The following PKD2 variants were observed in gnomAD, a reference collection of about 807,000 sequenced individuals.
PKD2 encodes the protein polycystin-2.
Under a neutral mutation model 105.9 loss-of-function variants are expected in PKD2, and 48 were observed. That is an observed-to-expected ratio of 0.45 (90% CI 0.36 to 0.58). The LOEUF is 0.58. PKD2 is among the 20% of genes least tolerant of loss of function. The pLI is 0.00. For missense variants in PKD2, 1,078 were observed against 1,255.3 expected, an observed-to-expected ratio of 0.86 and a Z score of 2.13; for synonymous variants, 464 against 481.1, an observed-to-expected ratio of 0.96 and a Z score of 0.46.
rs1388722678 is a variant in PKD2, at chr4:88,038,393, G to A, written c.986G>A (p.Gly329Glu). ...PRIRQLRVRN[G>E]SCSIPQDLRD... Reference sequence around the variant, plus strand: ...ATACGGCAACTCCGAGTCAGAAATGGATCCTGCTCTATCCCCCAGGACTTG... The same window carrying A: ...ATACGGCAACTCCGAGTCAGAAATGAATCCTGCTCTATCCCCCAGGACTTG... The change falls in exon 4 of 15, where the codon GGA becomes GAA. Residue 329 changes from glycine (G) to glutamate (E), a missense_variant. Around this residue, in one of 2 missense-constraint regions of PKD2, gnomAD observed 868 missense variants for 1,067.3 expected, o/e 0.81. Transcript: ENST00000237596. The A allele has an allele frequency of 1.2e-6, 2 of 1,613,684 alleles. No homozygotes were observed. The highest frequency in any genetic ancestry group is 1.7e-6 in the Non-Finnish European group (2 of 1,179,730).
chr4:88,036,689 G>A (rs867656843), intron 3 of PKD2, among the ~76,000 whole-genome samples: 4 of 152,210 alleles, frequency 2.6e-5, no homozygotes, highest in Non-Finnish European at 4.4e-5. Context: ...ATGGTCACAT[G>A]GCTAGGGAAC....
At chr4:88,038,618 C>A in intron 4 of PKD2, 117 bp downstream of exon 4, 2 of 1,021,672 alleles carry the variant, frequency 2.0e-6, no homozygotes, top group Non-Finnish European at 3.1e-6. Context: ...AGTTCAGTGA[C>A]TCTTCAGTGC....
At chr4:88,069,318 TCTG>T (rs1258602491) in intron 13 of PKD2, among the ~76,000 whole-genome samples, 2 of 152,138 alleles carry the variant, frequency 1.3e-5, no homozygotes, top group East Asian at 1.9e-4. Context: ...TTGATTTCTG[TCTG>T]CTATTTTATT....
intron 14 of PKD2, 29 bp downstream of exon 14, chr4:88,074,988 T>C (rs201104872): frequency 1.1e-4 from 180 of 1,607,484 alleles, no homozygotes; most frequent in Middle Eastern, 1.7e-4. Flanking sequence ...AAAACACCGC[T>C]GCTGAGCATG....
chr4:88,058,532 TTC>T (rs769915252), intron 9 of PKD2, among the ~76,000 whole-genome samples: 111 of 152,176 alleles, frequency 7.3e-4, no homozygotes, highest in Non-Finnish European at 1.3e-3. Flanking sequence ...AGCATGACTT[TTC>T]TCTCTTTCTT....
At chr4:88,064,611 G>A (rs184137661) in intron 10 of PKD2, among the ~76,000 whole-genome samples, 9 of 152,154 alleles carry the variant, frequency 5.9e-5, no homozygotes, top group Admixed American at 1.3e-4. Context: ...AAAAATCCTC[G>A]GCCAGGGGCA....
chr4:88,067,827 C>A, intron 12 of PKD2, 71 bp from the exon 13 acceptor site: 2 of 1,386,250 alleles, frequency 1.4e-6, no homozygotes, highest in South Asian at 2.4e-5. Flanking sequence ...TCCTGCTTGC[C>A]CAAGTCCTTG....
intron 1 of PKD2, among the ~76,000 whole-genome samples, chr4:88,016,119 C>G (rs145331243): frequency 6.6e-6 from 1 of 152,152 alleles, no homozygotes; most frequent in Admixed American, 6.5e-5. Context: ...TGACAGGAGG[C>G]GGAGCTCGGG....
chr4:88,060,177 C>T (rs1162349250), intron 9 of PKD2, among the ~76,000 whole-genome samples: 2 of 152,062 alleles, frequency 1.3e-5, no homozygotes, highest in Non-Finnish European at 2.9e-5. Context: ...TAGTTAACAG[C>T]CACTTGGAAG....
At chr4:88,070,218 C>T (rs1183095630) in intron 13 of PKD2, among the ~76,000 whole-genome samples, 3 of 151,944 alleles carry the variant, frequency 2.0e-5, no homozygotes, top group Non-Finnish European at 4.4e-5. Flanking sequence ...TACTGTGGTC[C>T]CCTTGTACAT....
chr4:88,074,984 C>A lies in PKD2; in HGVS notation c.2670+25C>A, dbSNP rs368880207. Reference sequence around the variant, plus strand: ...GGTCAGTAGTCATGAGCTGAAAACACCGCTGCTGAGCATGGTGTTATTAAT... The same window carrying A: ...GGTCAGTAGTCATGAGCTGAAAACAACGCTGCTGAGCATGGTGTTATTAAT... On this transcript the variant is annotated intron_variant, in intron 14 of 14. Coordinates refer to ENST00000237596, the MANE Select transcript of PKD2 (RefSeq NM_000297.4). 2.5e-6 allele frequency: 4 copies of A among 1,612,030 alleles called. No homozygotes were observed. In the African/African-American group the frequency reaches 5.3e-5, roughly 22 times the overall value.
chr4:88,051,316 T>C (rs967026898), intron 6 of PKD2, among the ~76,000 whole-genome samples: 5 of 152,240 alleles, frequency 3.3e-5, no homozygotes. Flanking sequence ...GGCACTCATT[T>C]TTAGGATATC....
At chr4:88,012,169 C>T (rs1293906445) in intron 1 of PKD2, among the ~76,000 whole-genome samples, 1 of 152,198 alleles carries the variant, frequency 6.6e-6, no homozygotes, top group Non-Finnish European at 1.5e-5. Flanking sequence ...GTGTGCCAGG[C>T]ACTGTGTTAA....
intron 3 of PKD2, 114 bp from the exon 4 acceptor site, chr4:88,038,137 T>C (rs1037399680): frequency 1.3e-5 from 14 of 1,087,588 alleles, no homozygotes; most frequent in African/African-American, 6.3e-5. Context: ...CTCATTCTTA[T>C]CACTCTACTA....
At chr4:88,055,136 T>G (rs1465897726) in intron 7 of PKD2, among the ~76,000 whole-genome samples, 1 of 152,194 alleles carries the variant, frequency 6.6e-6, no homozygotes, top group Admixed American at 6.5e-5. Flanking sequence ...TTCTTTGCAG[T>G]CAGGCAGAGC....
intron 13 of PKD2, among the ~76,000 whole-genome samples, chr4:88,073,372 A>G (rs1721110235): frequency 6.6e-6 from 1 of 151,864 alleles, no homozygotes; most frequent in African/African-American, 2.4e-5. Flanking sequence ...TAAAAAATAG[A>G]AAAATTATCT....
At chr4:88,052,308 A>G (rs1578139394) in intron 7 of PKD2, 150 bp downstream of exon 7, 12 of 649,576 alleles carry the variant, frequency 1.8e-5, no homozygotes, top group Admixed American at 9.8e-5. Flanking sequence ...TCACTCTGTC[A>G]CCCAGGCTGG....
intron 13 of PKD2, among the ~76,000 whole-genome samples, chr4:88,069,866 A>C (rs1720949833): frequency 6.6e-6 from 1 of 152,254 alleles, no homozygotes; most frequent in South Asian, 2.1e-4. Flanking sequence ...ATTATTGTCA[A>C]ATATATTACA....
chr4:88,023,307 G>T (rs1459039357), intron 2 of PKD2, among the ~76,000 whole-genome samples: 1 of 152,072 alleles, frequency 6.6e-6, no homozygotes, highest in Non-Finnish European at 1.5e-5. Flanking sequence ...AGAGAATGGG[G>T]CAGGGAAGAA....
Sources: allele counts gnomAD v4.1 joint callset (sites outside exome capture counted in the v4.1 genomes callset), GRCh38; gene constraint gnomAD v4.1.1; regional missense constraint gnomAD v4.1.1; transcripts MANE v1.5; gene names NCBI Gene and HGNC (gene_info 2026-07-23, HGNC 2026-07-21).